STAT3: variants seen among roughly 807,000 people sequenced by gnomAD.
The protein encoded by STAT3 is DNA-binding protein APRF.
Under a neutral mutation model 114.3 loss-of-function variants are expected in STAT3, and 7 were observed. That is an observed-to-expected ratio of 0.06 (90% CI 0.03 to 0.11). The LOEUF is 0.11. Among genes scored for constraint, STAT3 ranks in the 10% least tolerant of loss-of-function variants. The pLI is 1.00. For synonymous variants in STAT3, 331 were observed against 354.5 expected, an observed-to-expected ratio of 0.93 and a Z score of 0.74; for missense variants, 364 against 960.9, an observed-to-expected ratio of 0.38 and a Z score of 8.21.
At chr17:42,327,560 A>AAT (rs1270302602) in intron 14 of STAT3, among the ~76,000 whole-genome samples, 2 of 152,166 alleles carry the variant, frequency 1.3e-5, no homozygotes, top group African/African-American at 4.8e-5. Flanking sequence ...AATCAGGCTG[A>AAT]TGTCCACTTT....
chr17:42,345,988 C>T (rs1463705475), intron 3 of STAT3, among the ~76,000 whole-genome samples: 2 of 151,594 alleles, frequency 1.3e-5, no homozygotes, highest in African/African-American at 4.9e-5. Flanking sequence ...ATTTTCTCAC[C>T]TCAGCCTTCT....
intron 1 of STAT3, among the ~76,000 whole-genome samples, chr17:42,357,307 C>T (rs750015165): frequency 5.3e-5 from 8 of 152,100 alleles, no homozygotes; most frequent in East Asian, 1.9e-4. Context: ...AAGCAATTCA[C>T]GCTAGAGAAA....
At chr17:42,339,779 T>G (rs759258788) in intron 4 of STAT3, among the ~76,000 whole-genome samples, 87 of 152,070 alleles carry the variant, frequency 5.7e-4, no homozygotes, top group Non-Finnish European at 1.1e-3. Context: ...AGTCCTGCCC[T>G]AGGGATGAAA....
chr17:42,333,245 C>T lies in STAT3; in HGVS notation c.1049+428G>A, dbSNP rs1041364853. 6.6e-6 allele frequency among the ~76,000 whole-genome samples: 1 copy of T among 152,130 alleles called. No individual in the cohort carries two copies. Among genetic ancestry groups the T allele is most frequent in the Non-Finnish European group, 1.5e-5 (1 of 68,020 alleles). ...AGGTCAAAACCCCAGCACACCTGTT[C>T]TGACTTGAGTGTGAAAGTAACACCT... is the stretch of plus-strand genomic sequence containing the variant. On this transcript the variant is annotated intron_variant, in intron 10 of 23. Coordinates refer to ENST00000264657, the MANE Select transcript of STAT3 (RefSeq NM_139276.3). This position sits in a 1 kb window ranked among gnomAD's most constrained non-coding sequence, Gnocchi z 5.2.
Position 42,372,073 on chromosome 17 carries a change from C to T in STAT3, c.-24+16206G>A, listed in dbSNP as rs556055296. Among the ~76,000 whole-genome samples, 13 of 152,272 alleles carry T rather than the reference C, an allele frequency of 8.5e-5. No homozygotes were observed. The South Asian group carries it at 2.5e-3, about 29-fold the overall frequency. On this transcript the variant is annotated intron_variant, in intron 1 of 23. Coordinates refer to ENST00000264657, the MANE Select transcript of STAT3 (RefSeq NM_139276.3). Reference sequence around the variant, plus strand: ...TCCAAAACACTGACACCACTAAATGCTGGTGAAGATGTGGAGTAACAGGAA... The same window carrying T: ...TCCAAAACACTGACACCACTAAATGTTGGTGAAGATGTGGAGTAACAGGAA...
In STAT3 at chr17:42,319,278, A is replaced by G. The variant is rs867086931; in HGVS notation, c.2102-2054T>C. On this transcript the variant is annotated intron_variant, in intron 21 of 23. Coordinates refer to ENST00000264657, the MANE Select transcript of STAT3 (RefSeq NM_139276.3). The stretch of plus-strand genomic sequence containing the variant: ...AAAACAAGGCTGGGCACTGTGGCTC[A>G]CACCTATAATCCCAGCACTTTGGGA... Among the ~76,000 whole-genome samples the G allele has an allele frequency of 4.6e-5, 7 of 152,156 alleles. No individual in the cohort carries two copies. In the South Asian group the frequency reaches 1.5e-3, roughly 32 times the overall value.
chr17:42,387,733 T>C (rs2085186469), intron 1 of STAT3: 1 of 152,438 alleles, frequency 6.6e-6, no homozygotes, highest in Admixed American at 6.5e-5. Flanking sequence ...CAATAAAGCC[T>C]ACCCACGACC....
intron 14 of STAT3, among the ~76,000 whole-genome samples, chr17:42,328,672 T>C (rs1329460172): frequency 6.6e-6 from 1 of 152,194 alleles, no homozygotes; most frequent in Non-Finnish European, 1.5e-5. Flanking sequence ...CATCCCAAAG[T>C]ACGGGGTGTG....
intron 15 of STAT3, among the ~76,000 whole-genome samples, chr17:42,325,741 T>A (rs945636841): frequency 2.6e-5 from 4 of 152,066 alleles, no homozygotes; most frequent in African/African-American, 9.7e-5. Flanking sequence ...ATTTTTGTAT[T>A]TTAGTAGAGA....
At chr17:42,385,831 A>ATAATTGGG (rs2085071906) in intron 1 of STAT3, among the ~76,000 whole-genome samples, 1 of 152,190 alleles carries the variant, frequency 6.6e-6, no homozygotes, top group Admixed American at 6.5e-5. Flanking sequence ...CTGACCAAAA[A>ATAATTGGG]CAGTTCCTCA....
At chr17:42,385,459 C>T (rs957748079) in intron 1 of STAT3, among the ~76,000 whole-genome samples, 7 of 147,844 alleles carry the variant, frequency 4.7e-5, no homozygotes, top group Non-Finnish European at 1.0e-4. Context: ...CAGTGAGCCA[C>T]GATCATGCCA....
At chr17:42,366,711 T>C (rs981900892) in intron 1 of STAT3, among the ~76,000 whole-genome samples, 1 of 145,030 alleles carries the variant, frequency 6.9e-6, no homozygotes, top group Admixed American at 6.9e-5. Flanking sequence ...TGAGCCTTTC[T>C]CACAACCTCC....
intron 1 of STAT3, among the ~76,000 whole-genome samples, chr17:42,384,329 A>T (rs1164972804): frequency 2.0e-5 from 3 of 151,562 alleles, no homozygotes; most frequent in Non-Finnish European, 4.4e-5. Flanking sequence ...ATGGGGTTTC[A>T]CCGTGTTAGC....
chr17:42,339,241 G>T, intron 5 of STAT3, 73 bp downstream of exon 5: 1 of 1,458,662 alleles, frequency 6.9e-7, no homozygotes, highest in Non-Finnish European at 9.4e-7. Context: ...GAGTGGCAGA[G>T]CAAGACCCTG....
At chr17:42,336,631 C>G (rs377561892) in intron 8 of STAT3, among the ~76,000 whole-genome samples, 5 of 152,118 alleles carry the variant, frequency 3.3e-5, no homozygotes, top group Admixed American at 2.6e-4. Flanking sequence ...CTAATATAAA[C>G]TGTATAAATT....
intron 4 of STAT3, among the ~76,000 whole-genome samples, chr17:42,341,055 C>G (rs976667388): frequency 2.6e-5 from 4 of 152,188 alleles, no homozygotes; most frequent in Non-Finnish European, 5.9e-5. Context: ...CCTATGGTTA[C>G]CAGCTCAAGC....
intron 1 of STAT3, among the ~76,000 whole-genome samples, chr17:42,360,048 A>C (rs1457071776): frequency 7.4e-6 from 1 of 135,830 alleles, no homozygotes. Context: ...CGGCAGAGCA[A>C]GACTCCGTCT....
rs139804326 is a variant in STAT3 at position 42,361,547 on chromosome 17, G to A, written c.-23-13008C>T. Among the ~76,000 whole-genome samples the A allele has an allele frequency of 5.7e-3, 869 of 151,798 alleles. 8 individuals are homozygous for A. Among genetic ancestry groups the A allele is most frequent in the South Asian group, 0.013 (62 of 4,806 alleles). ...CCAAAGAATAATAATAAATTTTTTCGTGATCATTAATAAATATAACGAGAA... is the reference window on the plus strand; with the variant it reads ...CCAAAGAATAATAATAAATTTTTTCATGATCATTAATAAATATAACGAGAA... On this transcript the variant is annotated intron_variant, in intron 1 of 23. Transcript: ENST00000264657.
intron 8 of STAT3, among the ~76,000 whole-genome samples, chr17:42,335,351 A>G (rs1007314133): frequency 1.3e-5 from 2 of 152,018 alleles, no homozygotes; most frequent in African/African-American, 4.8e-5. Flanking sequence ...GTAATGGCAC[A>G]TGTCTAGTTT....
Sources: gnomAD v4.1 joint callset for allele counts (sites outside exome capture counted in the v4.1 genomes callset) on GRCh38, gnomAD v4.1.1 for gene constraint, Gnocchi (gnomAD v3.1) non-coding constraint, MANE v1.5 for transcripts, NCBI Gene and HGNC (gene_info 2026-07-23, HGNC 2026-07-21) for gene names.